SATB2: variants seen among roughly 807,000 people sequenced by gnomAD.
SATB2 encodes the protein DNA-binding protein SATB2.
A neutral mutation model predicts 73.4 loss-of-function variants in SATB2; 1 was observed. That is an observed-to-expected ratio of 0.01 (90% CI 0.00 to 0.06). The LOEUF is 0.06. Ranked by LOEUF, SATB2 falls within the 10% of genes least tolerant of loss-of-function variation. The pLI, the probability that SATB2 is intolerant of heterozygous loss-of-function variation, is 1.00. For missense variants in SATB2, 459 were observed against 945.8 expected, an observed-to-expected ratio of 0.49 and a Z score of 6.75; for synonymous variants, 397 against 367.0, an observed-to-expected ratio of 1.08 and a Z score of -0.93.
chr2:199,281,080 T>C (rs1232861622), intron 10 of SATB2, among the ~76,000 whole-genome samples: 1 of 151,904 alleles, frequency 6.6e-6, no homozygotes, highest in Non-Finnish European at 1.5e-5. Context: ...TTAGGGAAAA[T>C]AGAAAAGAAC....
intron 3 of SATB2, among the ~76,000 whole-genome samples, chr2:199,430,547 T>C (rs1691471532): frequency 6.6e-6 from 1 of 152,248 alleles, no homozygotes; most frequent in Non-Finnish European, 1.5e-5. Flanking sequence ...CCATGGTTTA[T>C]GACAGTATCT....
In SATB2 at chr2:199,433,402, G is replaced by A. The variant is rs745484117; in HGVS notation, c.282C>T (p.Ser94=). The change falls in exon 3 of 11, where the codon AGC becomes AGT. Residue 94 remains serine (S), a synonymous_variant. Transcript: ENST00000417098. ...CCAGGAGCGCAGTCTCCACCAGCTG[G>A]CTAAAAAGCACATCTTTCCGCACCA... ...FVLVRKDVLF[S]QLVETALLAL... 1.2e-6 allele frequency: 2 copies of A among 1,614,188 alleles called. No individual in the cohort carries two copies. Among genetic ancestry groups the A allele is most frequent in the Admixed American group, 1.7e-5 (1 of 60,028 alleles).
chr2:199,413,578 CTT>C (rs764141695), intron 3 of SATB2, among the ~76,000 whole-genome samples: 25 of 129,370 alleles, frequency 1.9e-4, no homozygotes, highest in African/African-American at 5.9e-4. Context: ...TAGAGAGTCG[CTT>C]TTTTTTTTTT....
Position 199,376,556 on chromosome 2 carries a change from G to GC in SATB2, c.597+3807dup, listed in dbSNP as rs1488503702. Among the ~76,000 whole-genome samples the GC allele has an allele frequency of 1.8e-4, 28 of 152,172 alleles. No homozygotes were observed. The East Asian group carries it at 5.4e-3, about 29-fold the overall frequency. The stretch of plus-strand genomic sequence containing the variant: ...CGGGGATGCTGCAAGGCACAGGACA[G>GC]CCCCCCACCACAAAGAATTATCCTG... On this transcript the variant is annotated intron_variant, in intron 5 of 10. Coordinates refer to ENST00000417098, the MANE Select transcript of SATB2 (RefSeq NM_001172509.2).
chr2:199,370,485 C>G (rs1188805098), intron 5 of SATB2, among the ~76,000 whole-genome samples: 1 of 152,068 alleles, frequency 6.6e-6, no homozygotes, highest in Non-Finnish European at 1.5e-5. Flanking sequence ...ATGAATTTAT[C>G]CTCTGGAAAG....
At chr2:199,375,438 C>G (rs1010221258) in intron 5 of SATB2, among the ~76,000 whole-genome samples, 1 of 152,150 alleles carries the variant, frequency 6.6e-6, no homozygotes, top group Non-Finnish European at 1.5e-5. Flanking sequence ...TCTGGCCAGA[C>G]AGAGAACGGC....
At chr2:199,406,686 C>A (rs1031639477) in intron 3 of SATB2, among the ~76,000 whole-genome samples, 1 of 151,868 alleles carries the variant, frequency 6.6e-6, no homozygotes, top group Non-Finnish European at 1.5e-5. Context: ...TCTGAGGTAC[C>A]AAAGACCACT....
At chr2:199,407,305 AAAAG>A (rs1308509071) in intron 3 of SATB2, among the ~76,000 whole-genome samples, 3 of 151,582 alleles carry the variant, frequency 2.0e-5, no homozygotes, top group East Asian at 1.9e-4. Context: ...AAAAAAAAAA[AAAAG>A]AGAGAGAAGA....
chr2:199,461,173 G>T (rs960777261), upstream of SATB2, among the ~76,000 whole-genome samples: 5 of 152,176 alleles, frequency 3.3e-5, no homozygotes, highest in African/African-American at 1.2e-4. Context: ...AGAGTTCTAG[G>T]AAGTTTTGTG....
intron 9 of SATB2, 95 bp from the exon 10 acceptor site, chr2:199,309,052 TTC>T: frequency 9.4e-7 from 1 of 1,059,366 alleles, no homozygotes; most frequent in East Asian, 2.6e-5. Context: ...GTACATCTTT[TTC>T]TGTCAAAATT....
intron 8 of SATB2, among the ~76,000 whole-genome samples, chr2:199,328,103 C>T (rs535489930): frequency 1.3e-5 from 2 of 152,214 alleles, no homozygotes; most frequent in East Asian, 1.9e-4. Context: ...TCCTAGAGCC[C>T]GCCCCTGTGC....
intron 7 of SATB2, among the ~76,000 whole-genome samples, chr2:199,341,557 CA>C (rs1688506996): frequency 6.6e-6 from 1 of 152,136 alleles, no homozygotes; most frequent in African/African-American, 2.4e-5. Flanking sequence ...ATTCAATATC[CA>C]TAAGTCAGTC....
chr2:199,337,823 T>C (rs1232419243), intron 7 of SATB2, among the ~76,000 whole-genome samples: 1 of 152,212 alleles, frequency 6.6e-6, no homozygotes, highest in Non-Finnish European at 1.5e-5. Context: ...TTCACTTTAT[T>C]TGAGCAAATA....
At chr2:199,423,899 T>C (rs1691249219) in intron 3 of SATB2, 1 of 152,210 alleles carries the variant, frequency 6.6e-6, no homozygotes. Flanking sequence ...CTCTGATTTA[T>C]AAAACTGACA....
intron 3 of SATB2, among the ~76,000 whole-genome samples, chr2:199,382,099 T>C (rs1559018224): frequency 6.6e-6 from 1 of 152,224 alleles, no homozygotes; most frequent in Non-Finnish European, 1.5e-5. Flanking sequence ...GGATACTTCC[T>C]TCCCCCCAGA....
chr2:199,405,988 A>G, intron 3 of SATB2, among the ~76,000 whole-genome samples: 1 of 152,324 alleles, frequency 6.6e-6, no homozygotes, highest in Middle Eastern at 3.4e-3. Flanking sequence ...AAATAATAAT[A>G]ATGCAACAAT....
In SATB2 at chr2:199,272,936, C is replaced by T. The variant is rs1189794344; in HGVS notation, c.1741-264G>A. ...TCATTTATTGCCTAAGGTCATCTCA[C>T]TTTAGGCAACCTGGCTTCAGAGTCT... is the stretch of plus-strand genomic sequence containing the variant. On this transcript the variant is annotated intron_variant, in intron 10 of 10. Coordinates refer to ENST00000417098, the MANE Select transcript of SATB2 (RefSeq NM_001172509.2). The surrounding 1 kb of genome is among the most constrained non-coding windows in gnomAD (Gnocchi z 6.7). Among the ~76,000 whole-genome samples, 2 of 152,148 alleles carry T rather than the reference C, an allele frequency of 1.3e-5. No homozygotes were observed. Among genetic ancestry groups the T allele is most frequent in the Non-Finnish European group, 2.9e-5 (2 of 68,026 alleles).
intron 10 of SATB2, among the ~76,000 whole-genome samples, chr2:199,289,946 A>G (rs1318666934): frequency 6.6e-6 from 1 of 152,214 alleles, no homozygotes; most frequent in Non-Finnish European, 1.5e-5. Context: ...TCCTCCCAAC[A>G]GGCCTCCCTG....
At chr2:199,328,973 G>T in intron 7 of SATB2, 63 bp from the exon 8 acceptor site, 1 of 1,266,444 alleles carries the variant, frequency 7.9e-7, no homozygotes. Context: ...TGTGGTTTCT[G>T]TCTTCCACCC....
Sources: gnomAD v4.1 joint callset for allele counts (sites outside exome capture counted in the v4.1 genomes callset) on GRCh38, gnomAD v4.1.1 for gene constraint, Gnocchi (gnomAD v3.1) non-coding constraint, MANE v1.5 for transcripts, NCBI Gene and HGNC (gene_info 2026-07-23, HGNC 2026-07-21) for gene names.